The following MYO3B variants were observed in gnomAD, a reference collection of about 807,000 sequenced individuals.
MYO3B encodes myosin-IIIb.
Under a neutral mutation model 174.6 loss-of-function variants are expected in MYO3B, and 156 were observed. The observed-to-expected ratio is 0.89, with a 90% CI of 0.78 to 1.02. The LOEUF is 1.02. Ranked by LOEUF, MYO3B falls within the 50% of genes least tolerant of loss-of-function variation. The pLI is 0.00. For synonymous variants in MYO3B, 563 were observed against 569.1 expected (o/e 0.99, Z 0.15); for missense variants, 1,632 against 1,639.4 (o/e 1.00, Z 0.08).
chr2:170,578,697 A>C (rs1692947683), intron 32 of MYO3B, among the ~76,000 whole-genome samples: 1 of 152,194 alleles, frequency 6.6e-6, no homozygotes, highest in African/African-American at 2.4e-5. Flanking sequence ...ACTAACTGCT[A>C]AAAAAATATT....
chr2:170,429,008 T>A (rs1308595765), intron 22 of MYO3B, among the ~76,000 whole-genome samples: 1 of 152,242 alleles, frequency 6.6e-6, no homozygotes, highest in Non-Finnish European at 1.5e-5. Flanking sequence ...ATCATAATCC[T>A]GCACAATGGG....
chr2:170,303,052 T>C (rs774425425), intron 7 of MYO3B, among the ~76,000 whole-genome samples: 9 of 152,256 alleles, frequency 5.9e-5, no homozygotes, highest in Admixed American at 1.3e-4. Flanking sequence ...TTTAGGATTT[T>C]TTTTCTAGTC....
At chr2:170,413,899 G>A (rs576786610) in intron 22 of MYO3B, among the ~76,000 whole-genome samples, 7 of 151,988 alleles carry the variant, frequency 4.6e-5, no homozygotes, top group African/African-American at 1.4e-4. Flanking sequence ...AATTAGCCAG[G>A]TGTGGTGGTG....
chr2:170,449,076 T>C lies in MYO3B; in HGVS notation c.2730+5030T>C, dbSNP rs6730578. Among the ~76,000 whole-genome samples the C allele has an allele frequency of 4.3e-3, 652 of 152,280 alleles. 4 individuals carry two copies. Among genetic ancestry groups the C allele is most frequent in the African/African-American group, 0.015 (637 of 41,552 alleles). On this transcript the variant is annotated intron_variant, in intron 23 of 34. Coordinates refer to ENST00000408978, the MANE Select transcript of MYO3B (RefSeq NM_138995.5). ...CAAACACCTTTATGAGTTGAGTGAA[T>C]TTTCCTCCTCTGAAGGTCCTAAGGT... is the stretch of plus-strand genomic sequence containing the variant.
Position 170,514,901 on chromosome 2 carries a change from CTT to C in MYO3B, c.3371-16_3371-15del. ...TGTGGGAGCATAACCTTGAGAAAGT[CTT>C]TTTGTTTCATTCCACAGGGGACACT... On this transcript the variant is annotated intron_variant, in intron 28 of 34. Coordinates refer to ENST00000408978, the MANE Select transcript of MYO3B (RefSeq NM_138995.5). The C allele has an allele frequency of 6.2e-7, 1 of 1,608,508 alleles. No homozygotes were observed. Among genetic ancestry groups the C allele is most frequent in the Non-Finnish European group, 8.5e-7 (1 of 1,176,440 alleles).
chr2:170,654,483 AATG>A lies in MYO3B; in HGVS notation c.*1365_*1367del, dbSNP rs1054211509. The A allele has an allele frequency of 2.0e-5, 3 of 151,826 alleles. No homozygotes were observed. Among genetic ancestry groups the A allele is most frequent in the Non-Finnish European group, 4.4e-5 (3 of 67,956 alleles). 9.4% of individuals were successfully genotyped at this position (151,826 alleles called of 1,614,324 possible). The stretch of plus-strand genomic sequence containing the variant: ...AAACCCCGTCTCTACTAAAAAAAAT[AATG>A]ATAATACAAAAATTAGCCCAGCATG... On this transcript the variant is annotated 3_prime_UTR_variant, in exon 35 of 35. Coordinates refer to ENST00000408978, the MANE Select transcript of MYO3B (RefSeq NM_138995.5).
chr2:170,488,686 G>A (rs1305967075), intron 25 of MYO3B, among the ~76,000 whole-genome samples: 2 of 152,140 alleles, frequency 1.3e-5, no homozygotes, highest in African/African-American at 4.8e-5. Flanking sequence ...TCTGCAGTGG[G>A]TAGGAAGTCA....
In MYO3B at chr2:170,382,016, G is replaced by C; in HGVS notation, c.972G>C (p.Arg324Ser). 3 of 1,611,032 alleles carry C rather than the reference G, an allele frequency of 1.9e-6. No individual in the cohort carries two copies. Among genetic ancestry groups the C allele is most frequent in the Non-Finnish European group, 2.5e-6 (3 of 1,177,732 alleles). The change falls in exon 10 of 35, where the codon AGG (arginine) becomes AGC (serine). Residue 324 changes from arginine (R) to serine (S), a missense_variant and splice_region_variant. By Grantham distance (110) the Arg-to-Ser change is moderately radical. Coordinates refer to ENST00000408978, the MANE Select transcript of MYO3B (RefSeq NM_138995.5). ...TTAAACTCTCTTGATAAATTTCTAG[G>C]CATGAGAGGATGCATACCAGAAGAC... is the stretch of plus-strand genomic sequence containing the variant. ...QKHQNPVAKTRHERMHTRRPY... is the reference protein window; with the variant it reads ...QKHQNPVAKTSHERMHTRRPY...
chr2:170,332,652 G>A (rs940850802), intron 7 of MYO3B, among the ~76,000 whole-genome samples: 2 of 152,252 alleles, frequency 1.3e-5, no homozygotes, highest in African/African-American at 4.8e-5. Context: ...GATCAAATGA[G>A]GTTCTCTTAA....
intron 29 of MYO3B, among the ~76,000 whole-genome samples, chr2:170,517,856 T>C (rs1250163358): frequency 6.6e-6 from 1 of 151,930 alleles, no homozygotes; most frequent in Non-Finnish European, 1.5e-5. Context: ...TAGAGGATTT[T>C]ATCAACGGAG....
intron 22 of MYO3B, among the ~76,000 whole-genome samples, chr2:170,411,509 T>C (rs749987482): frequency 2.0e-5 from 3 of 152,184 alleles, no homozygotes; most frequent in Non-Finnish European, 4.4e-5. Context: ...AGTACAACTA[T>C]GGTATGATAA....
intron 8 of MYO3B, among the ~76,000 whole-genome samples, chr2:170,367,495 A>C (rs1372182071): frequency 6.6e-6 from 1 of 152,150 alleles, no homozygotes. Flanking sequence ...TACCGGGTGC[A>C]TCTTCAGTAG....
chr2:170,551,025 A>G (rs1457285016), intron 32 of MYO3B, among the ~76,000 whole-genome samples: 1 of 9,362 alleles, frequency 1.1e-4, no homozygotes, highest in South Asian at 1.9e-3. Context: ...CAGCCTCCTA[A>G]GTAACTGGGA....
chr2:170,584,940 G>T (rs1247019736), intron 32 of MYO3B, among the ~76,000 whole-genome samples: 1 of 152,204 alleles, frequency 6.6e-6, no homozygotes, highest in Non-Finnish European at 1.5e-5. Context: ...TTCCACCTTT[G>T]TGTTATCAGC....
intron 32 of MYO3B, among the ~76,000 whole-genome samples, chr2:170,610,149 A>G (rs148227550): frequency 0.01 from 1,527 of 152,274 alleles, 35 homozygotes; most frequent in African/African-American, 0.034. Context: ...ATCCTGGCTA[A>G]CACAGTGAAA....
At chr2:170,513,383 G>A (rs75252680) in intron 28 of MYO3B, among the ~76,000 whole-genome samples, 2,250 of 152,278 alleles carry the variant, frequency 0.015, 51 homozygotes, top group African/African-American at 0.052. Context: ...GTTGGTTCCT[G>A]GCAATCCTTG....
intron 23 of MYO3B, among the ~76,000 whole-genome samples, chr2:170,460,094 G>T (rs1223853984): frequency 6.6e-6 from 1 of 152,152 alleles, no homozygotes; most frequent in African/African-American, 2.4e-5. Flanking sequence ...CGGGCTGAAG[G>T]GCTCCTCAAG....
intron 32 of MYO3B, among the ~76,000 whole-genome samples, chr2:170,607,908 TCCCTCTG>T (rs1694910944): frequency 6.6e-6 from 1 of 152,180 alleles, no homozygotes; most frequent in Non-Finnish European, 1.5e-5. Flanking sequence ...ATAATAGAAA[TCCCTCTG>T]CTTTGCTTGT....
At chr2:170,439,335 G>A (rs1014730112) in intron 22 of MYO3B, among the ~76,000 whole-genome samples, 10 of 152,022 alleles carry the variant, frequency 6.6e-5, no homozygotes, top group African/African-American at 2.4e-4. Context: ...TTGTGCCACT[G>A]CACTCCAGCC....
Sources: allele counts gnomAD v4.1 joint callset (sites outside exome capture counted in the v4.1 genomes callset), GRCh38; gene constraint gnomAD v4.1.1; transcripts MANE v1.5; gene names NCBI Gene and HGNC (gene_info 2026-07-23, HGNC 2026-07-21).